Variants in HDAC9 observed in about 807,000 individuals in gnomAD.
The protein encoded by HDAC9 is histone deacetylase 9.
Under a neutral mutation model 139.4 loss-of-function variants are expected in HDAC9, and 41 were observed. The observed-to-expected ratio is 0.29, with a 90% CI of 0.23 to 0.38. HDAC9 has a LOEUF of 0.38. Among genes scored for constraint, HDAC9 ranks in the 10% least tolerant of loss-of-function variants. The probability of loss-of-function intolerance (pLI) is 1.00; values close to 1 mark genes in which losing one functional copy is unlikely to be tolerated. For missense variants in HDAC9, 1,147 were observed against 1,297.0 expected (o/e 0.88, Z 1.78); for synonymous variants, 517 against 476.2 (o/e 1.09, Z -1.12).
At chr7:18,529,307 G>C (rs962980878) in intron 2 of HDAC9, among the ~76,000 whole-genome samples, 4 of 152,080 alleles carry the variant, frequency 2.6e-5, no homozygotes, top group African/African-American at 9.7e-5. Context: ...AGTTGGCATA[G>C]GACATAAAAG....
chr7:18,139,493 C>G (rs760119090), intron 1 of HDAC9, among the ~76,000 whole-genome samples: 10 of 152,090 alleles, frequency 6.6e-5, no homozygotes, highest in Non-Finnish European at 1.2e-4. Flanking sequence ...TACTTATAAT[C>G]TATACACACT....
At chr7:18,448,394 G>A (rs970039163) in intron 1 of HDAC9, among the ~76,000 whole-genome samples, 1 of 152,084 alleles carries the variant, frequency 6.6e-6, no homozygotes, top group Non-Finnish European at 1.5e-5. Flanking sequence ...CAAAATGCAA[G>A]AAAGCATTAA....
intron 1 of HDAC9, among the ~76,000 whole-genome samples, chr7:18,122,586 T>A (rs187131411): frequency 4.4e-4 from 67 of 152,242 alleles, no homozygotes; most frequent in African/African-American, 1.4e-3. Flanking sequence ...GAACACAGAA[T>A]TCTAAGGATT....
intron 1 of HDAC9, among the ~76,000 whole-genome samples, chr7:18,348,957 T>C (rs1782636356): frequency 6.6e-6 from 1 of 152,128 alleles, no homozygotes; most frequent in Non-Finnish European, 1.5e-5. Flanking sequence ...ATCTTATAGG[T>C]ATGATGCTGT....
At chr7:18,619,254 C>T (rs931519646) in intron 6 of HDAC9, among the ~76,000 whole-genome samples, 2 of 152,096 alleles carry the variant, frequency 1.3e-5, no homozygotes, top group African/African-American at 2.4e-5. Flanking sequence ...CATTCAGCAT[C>T]AAGAAATTCT....
At chr7:18,306,360 G>T (rs1035649854) in intron 1 of HDAC9, among the ~76,000 whole-genome samples, 7 of 152,200 alleles carry the variant, frequency 4.6e-5, no homozygotes, top group Admixed American at 3.9e-4. Context: ...AGTGTGTACT[G>T]CAGTCGCAAA....
chr7:18,311,032 C>CT (rs1253297240), intron 1 of HDAC9, among the ~76,000 whole-genome samples: 1 of 151,772 alleles, frequency 6.6e-6, no homozygotes, highest in African/African-American at 2.4e-5. Context: ...GTTAATGTAA[C>CT]TTTTTGCTCA....
chr7:18,886,495 C>G (rs1800163781), intron 22 of HDAC9, among the ~76,000 whole-genome samples: 1 of 152,148 alleles, frequency 6.6e-6, no homozygotes, highest in Non-Finnish European at 1.5e-5. Context: ...ATTGGAATGT[C>G]TCTCACACTT....
chr7:18,910,668 T>C (rs899862864), intron 22 of HDAC9, among the ~76,000 whole-genome samples: 1 of 151,970 alleles, frequency 6.6e-6, no homozygotes. Context: ...TTCATCACAG[T>C]TGGCTGCGGG....
chr7:18,414,254 A>G (rs924231296), intron 1 of HDAC9, among the ~76,000 whole-genome samples: 8 of 152,110 alleles, frequency 5.3e-5, no homozygotes, highest in African/African-American at 1.7e-4. Flanking sequence ...ACTTTCATGT[A>G]TTTTGCAAAG....
chr7:18,960,029 C>T (rs1783422769), intron 24 of HDAC9, among the ~76,000 whole-genome samples: 1 of 151,894 alleles, frequency 6.6e-6, no homozygotes, highest in South Asian at 2.1e-4. Flanking sequence ...CACACACACA[C>T]ACACACACAC....
intron 1 of HDAC9, among the ~76,000 whole-genome samples, chr7:18,293,443 G>A (rs940971760): frequency 6.6e-6 from 1 of 152,012 alleles, no homozygotes; most frequent in African/African-American, 2.4e-5. Context: ...TCACTGATAG[G>A]TGGGAATTGA....
chr7:18,534,669 A>G (rs551481117), intron 2 of HDAC9, among the ~76,000 whole-genome samples: 1 of 152,310 alleles, frequency 6.6e-6, no homozygotes, highest in Non-Finnish European at 1.5e-5. Context: ...CTTGAAGGCA[A>G]CGTGCTTGTT....
At chr7:18,097,726 C>A (rs1157485280) in intron 1 of HDAC9, among the ~76,000 whole-genome samples, 1 of 152,046 alleles carries the variant, frequency 6.6e-6, no homozygotes, top group Non-Finnish European at 1.5e-5. Context: ...TACCACCACA[C>A]CTGGCTAATT....
At chr7:18,844,343 A>G (rs1009567432) in intron 21 of HDAC9, among the ~76,000 whole-genome samples, 1 of 152,202 alleles carries the variant, frequency 6.6e-6, no homozygotes, top group African/African-American at 2.4e-5. Flanking sequence ...TTGTCCCATT[A>G]TCACTCATAT....
intron 12 of HDAC9, among the ~76,000 whole-genome samples, chr7:18,686,501 A>G (rs1339428089): frequency 6.6e-6 from 1 of 151,920 alleles, no homozygotes. Context: ...GAAGACTACA[A>G]ATGTCATTTA....
rs558760128 is a variant in HDAC9 at position 18,723,281 on chromosome 7, G to A, written c.1732-4299G>A. Among the ~76,000 whole-genome samples the A allele has an allele frequency of 9.9e-5, 15 of 152,170 alleles. No individual in the cohort carries two copies. The East Asian group carries it at 2.9e-3, about 29-fold the overall frequency. On this transcript the variant is annotated intron_variant, in intron 12 of 25. Transcript: ENST00000686413. ...AAACTGAAAAATATATATTATTAAAGCCCACTATGTGTGAAACACTGCATG... is the reference window on the plus strand; with the variant it reads ...AAACTGAAAAATATATATTATTAAAACCCACTATGTGTGAAACACTGCATG...
At chr7:18,594,392 C>G (rs1366388923) in intron 6 of HDAC9, among the ~76,000 whole-genome samples, 2 of 151,952 alleles carry the variant, frequency 1.3e-5, no homozygotes, top group Non-Finnish European at 2.9e-5. Flanking sequence ...TCTGCTGTAC[C>G]TCAACCATTT....
At chr7:18,857,444 A>C (rs1324740261) in intron 21 of HDAC9, among the ~76,000 whole-genome samples, 1 of 151,930 alleles carries the variant, frequency 6.6e-6, no homozygotes, top group East Asian at 1.9e-4. Flanking sequence ...GCCACTGTTT[A>C]AACAGCCAAT....
Sources: gnomAD v4.1 joint callset for allele counts (sites outside exome capture counted in the v4.1 genomes callset) on GRCh38, gnomAD v4.1.1 for gene constraint, MANE v1.5 for transcripts, NCBI Gene and HGNC (gene_info 2026-07-23, HGNC 2026-07-21) for gene names.